PHF3: variants seen among roughly 807,000 people sequenced by gnomAD.
PHF3 encodes the protein PHD finger protein 3.
Under a neutral mutation model 178.4 loss-of-function variants are expected in PHF3, and 41 were observed. The ratio of observed to expected loss-of-function variants is 0.23; its 90% CI spans 0.18 to 0.30. The LOEUF is 0.30. Ranked by LOEUF, PHF3 falls within the 10% of genes least tolerant of loss-of-function variation. The probability of loss-of-function intolerance (pLI) is 1.00; values close to 1 mark genes in which losing one functional copy is unlikely to be tolerated. For synonymous variants in PHF3, 842 were observed against 800.5 expected, an observed-to-expected ratio of 1.05 and a Z score of -0.88; for missense variants, 2,346 against 2,398.1, an observed-to-expected ratio of 0.98 and a Z score of 0.45.
intron 8 of PHF3, 23 bp from the exon 9 acceptor site, chr6:63,700,327 T>A (rs1767418853): frequency 8.5e-7 from 1 of 1,175,094 alleles, no homozygotes; most frequent in Non-Finnish European, 1.2e-6. Flanking sequence ...TCCCCTTCTA[T>A]TCCTATTTTA....
chr6:63,703,724 A>C, intron 11 of PHF3, 53 bp downstream of exon 11: 1 of 1,514,088 alleles, frequency 6.6e-7, no homozygotes, highest in South Asian at 1.2e-5. Flanking sequence ...AAAGAAGGAT[A>C]CTTAGATACT....
rs1178223143 is a variant in PHF3, at chr6:63,706,231, TTC to T, written c.3563+11_3563+12del. On this transcript the variant is annotated splice_region_variant and intron_variant, in intron 12 of 15. Coordinates refer to ENST00000262043, the MANE Select transcript of PHF3 (RefSeq NM_001370348.2). ...CGTTCTCTCCTGCTCCACGGTAATT[TTC>T]TCTGTTGTAAATTCTGTAATACTCA... is the stretch of plus-strand genomic sequence containing the variant. The T allele has an allele frequency of 6.3e-7, 1 of 1,599,868 alleles. No individual in the cohort carries two copies. The highest frequency in any genetic ancestry group is 8.5e-7 in the Non-Finnish European group (1 of 1,172,476).
intron 2 of PHF3, among the ~76,000 whole-genome samples, chr6:63,654,472 AT>A (rs368087688): frequency 3.2e-4 from 48 of 152,342 alleles, no homozygotes; most frequent in Middle Eastern, 6.8e-3. Context: ...ATTACATATC[AT>A]TTTGAGTTTT....
rs769824975 is a variant in PHF3, at chr6:63,720,728, TTGAG to T, written c.*7022_*7025del. ...CAACAAAATTGGTTTTAAAAATCTCTTGAGTAACGATATTTACCTTTCTACCATA... is the reference window on the plus strand; with the variant it reads ...CAACAAAATTGGTTTTAAAAATCTCTTAACGATATTTACCTTTCTACCATA... On this transcript the variant is annotated 3_prime_UTR_variant, in exon 16 of 16. Coordinates refer to ENST00000262043, the MANE Select transcript of PHF3 (RefSeq NM_001370348.2). 132 of 1,549,500 alleles carry T rather than the reference TTGAG, an allele frequency of 8.5e-5. No homozygotes were observed. The highest frequency in any genetic ancestry group is 1.1e-4 in the Non-Finnish European group (126 of 1,146,180).
intron 1 of PHF3, among the ~76,000 whole-genome samples, chr6:63,639,052 A>T (rs1393786409): frequency 6.6e-6 from 1 of 152,130 alleles, no homozygotes; most frequent in East Asian, 1.9e-4. Flanking sequence ...AAATATCAAG[A>T]GTTTTATGAG....
At chr6:63,662,877 A>T (rs1196140601) in intron 2 of PHF3, among the ~76,000 whole-genome samples, 1 of 152,216 alleles carries the variant, frequency 6.6e-6, no homozygotes, top group East Asian at 1.9e-4. Flanking sequence ...TGCTAAAGCT[A>T]ATTTTCTATA....
chr6:63,686,008 T>A, intron 4 of PHF3, 97 bp downstream of exon 4: 1 of 792,448 alleles, frequency 1.3e-6, no homozygotes, highest in Non-Finnish European at 2.0e-6. Flanking sequence ...AGACATTATT[T>A]GATACACAGA....
At chr6:63,702,754 A>G in intron 10 of PHF3, 115 bp downstream of exon 10, 1 of 1,026,680 alleles carries the variant, frequency 9.7e-7, no homozygotes, top group Non-Finnish European at 1.4e-6. Flanking sequence ...TCCATTTAAA[A>G]GTAGCCTATT....
At chr6:63,679,764 A>G in intron 2 of PHF3, 1 of 536,680 alleles carries the variant, frequency 1.9e-6, no homozygotes, top group Non-Finnish European at 3.6e-6. Context: ...AGGAAAGAGT[A>G]TAATATAGCT....
In PHF3 at chr6:63,717,409, G is replaced by T. The variant is rs557748271; in HGVS notation, c.*3701G>T. ...GCTACAACTTACTAATGACTACAAA[G>T]AACTATATACACAATCAGGTTTATT... is the stretch of plus-strand genomic sequence containing the variant. On this transcript the variant is annotated 3_prime_UTR_variant, in exon 16 of 16. Coordinates refer to ENST00000262043, the MANE Select transcript of PHF3 (RefSeq NM_001370348.2). Among the ~76,000 whole-genome samples the T allele has an allele frequency of 6.6e-6, 1 of 151,994 alleles. No individual in the cohort carries two copies. Among genetic ancestry groups the T allele is most frequent in the Non-Finnish European group, 1.5e-5 (1 of 67,954 alleles).
Position 63,692,585 on chromosome 6 carries a change from T to A in PHF3, c.2496+542T>A, listed in dbSNP as rs535144939. Reference sequence around the variant, plus strand: ...TATCACTTTTTTAGTCGTTAATTTGTTATTCTTATAGAATACTGATAGAGA... The same window carrying A: ...TATCACTTTTTTAGTCGTTAATTTGATATTCTTATAGAATACTGATAGAGA... On this transcript the variant is annotated intron_variant, in intron 5 of 15. Coordinates refer to ENST00000262043, the MANE Select transcript of PHF3 (RefSeq NM_001370348.2). 3.2e-4 allele frequency among the ~76,000 whole-genome samples: 48 copies of A among 152,360 alleles called. No individual in the cohort carries two copies. In the Middle Eastern group the frequency reaches 0.01, roughly 32 times the overall value.
At chr6:63,636,206 C>T (rs1400325688) in intron 1 of PHF3, 56 bp downstream of exon 1, 2 of 360,576 alleles carry the variant, frequency 5.5e-6, no homozygotes, top group African/African-American at 4.2e-5. Flanking sequence ...CCTCCCCCAT[C>T]CCCTTCCACA....
chr6:63,658,708 TTGTGTGTGTGTGTGTGTG>T (rs3071174), intron 2 of PHF3, among the ~76,000 whole-genome samples: 5,697 of 145,286 alleles, frequency 0.039, 136 homozygotes, highest in South Asian at 0.055. Context: ...CCAATAGATT[TTGTGTGTGTGTGTGTGTG>T]TGTGTGTGTG....
Position 63,712,576 on chromosome 6 carries a change from C to T in PHF3, c.4988C>T (p.Thr1663Ile). 6.2e-7 allele frequency: 1 copy of T among 1,613,866 alleles called. No individual in the cohort carries two copies. The highest frequency in any genetic ancestry group is 8.5e-7 in the Non-Finnish European group (1 of 1,179,910). The change falls in exon 16 of 16, where the codon ACT becomes ATT. Residue 1663 changes from threonine (T) to isoleucine (I), a missense_variant. This residue lies in a region of PHF3 where 839 missense variants were observed against 806.9 expected (regional missense o/e 1.04). Coordinates refer to ENST00000262043, the MANE Select transcript of PHF3 (RefSeq NM_001370348.2). ...RQAAGRSQPV[T>I]TSESKDGDSC... ...GCAGCAGGACGAAGTCAGCCTGTAA[C>T]TACTTCAGAAAGCAAAGATGGAGAT...
Position 63,722,221 on chromosome 6 carries a change from T to A in PHF3, c.*8513T>A, listed in dbSNP as rs961398115. Among the ~76,000 whole-genome samples the A allele has an allele frequency of 5.9e-5, 9 of 152,066 alleles. No homozygotes were observed. The highest frequency in any genetic ancestry group is 1.2e-4 in the Non-Finnish European group (8 of 67,998). ...ATGTTCTCTTTCCCCATCCTTACAC[T>A]CTCTTTACTTCAACAACACTGACTT... On this transcript the variant is annotated 3_prime_UTR_variant, in exon 16 of 16. Coordinates refer to ENST00000262043, the MANE Select transcript of PHF3 (RefSeq NM_001370348.2).
Position 63,722,446 on chromosome 6 carries a change from G to C in PHF3, c.*8738G>C, listed in dbSNP as rs989289808. Among the ~76,000 whole-genome samples, 7 of 152,080 alleles carry C rather than the reference G, an allele frequency of 4.6e-5. No individual in the cohort carries two copies. Among genetic ancestry groups the C allele is most frequent in the African/African-American group, 1.7e-4 (7 of 41,412 alleles). On this transcript the variant is annotated 3_prime_UTR_variant, in exon 16 of 16. Transcript: ENST00000262043. ...TATCACTAGGTTTCCCTCCATTACA[G>C]TATATCTCATTTTATAATTATATAG...
At chr6:63,651,663 A>AGTTGTG (rs774484875) in intron 2 of PHF3, among the ~76,000 whole-genome samples, 10 of 152,044 alleles carry the variant, frequency 6.6e-5, no homozygotes, top group Non-Finnish European at 1.2e-4. Context: ...TGCCCTGCCT[A>AGTTGTG]GTTGTGATTT....
rs1582132034 is a variant in PHF3 at position 63,713,783 on chromosome 6, C to T, written c.*75C>T. On this transcript the variant is annotated 3_prime_UTR_variant, in exon 16 of 16. Transcript: ENST00000262043. Reference sequence around the variant, plus strand: ...TATCTTGTAAACAAAAGAAAGATTGCCTGCTAGGATTGTGCCATCTTTAAA... The same window carrying T: ...TATCTTGTAAACAAAAGAAAGATTGTCTGCTAGGATTGTGCCATCTTTAAA... 3.2e-6 allele frequency: 4 copies of T among 1,247,458 alleles called. No individual in the cohort carries two copies. The highest frequency in any genetic ancestry group is 3.2e-5 in the South Asian group (2 of 62,024). 77.3% of individuals were successfully genotyped at this position (1,247,458 alleles called of 1,614,324 possible). A position where few individuals can be genotyped will look rare whatever the true frequency, so the allele number is the denominator to read the frequency against.
At chr6:63,658,708 TTGTG>T (rs3071174) in intron 2 of PHF3, among the ~76,000 whole-genome samples, 32,448 of 144,588 alleles carry the variant, frequency 0.22, 3,715 homozygotes, top group East Asian at 0.39. Context: ...CCAATAGATT[TTGTG>T]TGTGTGTGTG....
Sources: gnomAD v4.1 joint callset for allele counts (sites outside exome capture counted in the v4.1 genomes callset) on GRCh38, gnomAD v4.1.1 for gene constraint, gnomAD v4.1.1 regional missense constraint, MANE v1.5 for transcripts, NCBI Gene and HGNC (gene_info 2026-07-23, HGNC 2026-07-21) for gene names.